XYLT1: variants seen among roughly 807,000 people sequenced by gnomAD.
XYLT1 encodes the protein xylosyltransferase 1.
XYLT1 carries 36 observed loss-of-function variants against 91.3 expected under a neutral mutation model. That is an observed-to-expected ratio of 0.39 (90% CI 0.30 to 0.52). The LOEUF is 0.52. Among genes scored for constraint, XYLT1 ranks in the 20% least tolerant of loss-of-function variants. The pLI is 0.68. For missense variants in XYLT1, 1,242 were observed against 1,284.5 expected (o/e 0.97, Z 0.51); for synonymous variants, 588 against 532.0 (o/e 1.11, Z -1.45).
rs1596536900 is a variant in XYLT1, at chr16:17,420,562, A to G, written c.363+49872T>C. Reference sequence around the variant, plus strand: ...TCGGTTGCTATCCAAGGCTTCTTCTATCTGGAACACTTCAAGAGAACAAGG... The same window carrying G: ...TCGGTTGCTATCCAAGGCTTCTTCTGTCTGGAACACTTCAAGAGAACAAGG... On this transcript the variant is annotated intron_variant, in intron 1 of 11. Transcript: ENST00000261381. Among the ~76,000 whole-genome samples, 5 of 152,264 alleles carry G rather than the reference A, an allele frequency of 3.3e-5. No homozygotes were observed. The South Asian group carries it at 8.4e-4, about 25-fold the overall frequency.
At chr16:17,330,631 A>C (rs1181418875) in intron 2 of XYLT1, among the ~76,000 whole-genome samples, 1 of 125,394 alleles carries the variant, frequency 8.0e-6, no homozygotes, top group Admixed American at 7.4e-5. Context: ...TACTAAAAAT[A>C]AAAAAAAAAA....
chr16:17,286,711 T>C (rs1269696258), intron 2 of XYLT1, among the ~76,000 whole-genome samples: 28 of 142,720 alleles, frequency 2.0e-4, no homozygotes, highest in Admixed American at 2.0e-3. Context: ...TGTAAGGTTT[T>C]CCAGCAAGCA....
intron 2 of XYLT1, among the ~76,000 whole-genome samples, chr16:17,357,804 G>A (rs1046449503): frequency 6.6e-5 from 10 of 152,348 alleles, no homozygotes; most frequent in South Asian, 4.1e-4. Context: ...ACCTGGGTGC[G>A]AATGTGCACC....
intron 2 of XYLT1, among the ~76,000 whole-genome samples, chr16:17,267,697 C>CTTA (rs2033827683): frequency 6.6e-6 from 1 of 152,212 alleles, no homozygotes; most frequent in Admixed American, 6.5e-5. Flanking sequence ...GCGTGAGCCA[C>CTTA]CACGCCCGGC....
chr16:17,214,624 AC>A (rs1460782674), intron 3 of XYLT1, among the ~76,000 whole-genome samples: 19 of 152,146 alleles, frequency 1.2e-4, no homozygotes, highest in African/African-American at 4.6e-4. Context: ...CCAGGCAGGC[AC>A]CATTCTGGGA....
chr16:17,383,246 C>T (rs936177041), intron 1 of XYLT1, among the ~76,000 whole-genome samples: 1 of 151,910 alleles, frequency 6.6e-6, no homozygotes, highest in African/African-American at 2.4e-5. Context: ...ACGGCCCATT[C>T]TCTCTGCCAG....
At chr16:17,120,885 C>T (rs895560219) in intron 10 of XYLT1, among the ~76,000 whole-genome samples, 1 of 152,176 alleles carries the variant, frequency 6.6e-6, no homozygotes, top group Non-Finnish European at 1.5e-5. Context: ...ACAGATTGAT[C>T]ATCTACTTAT....
intron 2 of XYLT1, among the ~76,000 whole-genome samples, chr16:17,262,266 G>A (rs1310775034): frequency 6.6e-6 from 1 of 152,184 alleles, no homozygotes; most frequent in East Asian, 1.9e-4. Context: ...TTAACTCCTG[G>A]AAATAATTTC....
intron 3 of XYLT1, among the ~76,000 whole-genome samples, chr16:17,253,983 G>C (rs2033590580): frequency 6.6e-6 from 1 of 152,190 alleles, no homozygotes; most frequent in African/African-American, 2.4e-5. Flanking sequence ...ATGAGTTCCA[G>C]TACCAGCTCT....
At chr16:17,131,934 C>T (rs1357070373) in intron 9 of XYLT1, among the ~76,000 whole-genome samples, 1 of 152,138 alleles carries the variant, frequency 6.6e-6, no homozygotes, top group Non-Finnish European at 1.5e-5. Flanking sequence ...AGCAAGGCAC[C>T]ACAGTTCCAT....
chr16:17,138,328 G>C (rs1335045748), intron 8 of XYLT1, 27 bp downstream of exon 8: 3 of 1,603,562 alleles, frequency 1.9e-6, no homozygotes, highest in African/African-American at 2.7e-5. Context: ...TCACTTAGGA[G>C]GCTGGCAGAC....
chr16:17,342,120 G>A (rs2035070655), intron 2 of XYLT1, among the ~76,000 whole-genome samples: 3 of 152,182 alleles, frequency 2.0e-5, no homozygotes, highest in African/African-American at 7.2e-5. Flanking sequence ...AGGTTCTAAT[G>A]ATCTAGCTTC....
At chr16:17,454,103 A>G (rs1267950095) in intron 1 of XYLT1, among the ~76,000 whole-genome samples, 1 of 152,240 alleles carries the variant, frequency 6.6e-6, no homozygotes, top group African/African-American at 2.4e-5. Flanking sequence ...AGACTTCCAA[A>G]TTAAAATATA....
chr16:17,417,078 G>C (rs1019220743), intron 1 of XYLT1, among the ~76,000 whole-genome samples: 1 of 152,026 alleles, frequency 6.6e-6, no homozygotes, highest in Admixed American at 6.6e-5. Flanking sequence ...AACTTTGTAA[G>C]CTCAGTTTTG....
At chr16:17,463,488 C>T (rs938260750) in intron 1 of XYLT1, among the ~76,000 whole-genome samples, 2 of 152,190 alleles carry the variant, frequency 1.3e-5, no homozygotes, top group African/African-American at 4.8e-5. Context: ...CATCACTAAT[C>T]ACCAGGGAAC....
In XYLT1 at chr16:17,125,566, A is replaced by T. The variant is rs80325186; in HGVS notation, c.2223+2100T>A. On this transcript the variant is annotated intron_variant, in intron 10 of 11. Coordinates refer to ENST00000261381, the MANE Select transcript of XYLT1 (RefSeq NM_022166.4). ...CTCTTCTCTCTGCTTGGAATGCTCC[A>T]GATCTCCCGAGGACTGGCTCTTTTA... Among the ~76,000 whole-genome samples, 1,155 of 152,036 alleles carry T rather than the reference A, an allele frequency of 7.6e-3. 11 individuals carry two copies. The highest frequency in any genetic ancestry group is 0.026 in the African/African-American group (1,076 of 41,450).
At chr16:17,350,450 C>G (rs1394741810) in intron 2 of XYLT1, among the ~76,000 whole-genome samples, 1 of 152,216 alleles carries the variant, frequency 6.6e-6, no homozygotes, top group East Asian at 1.9e-4. Context: ...AGTCCAGACT[C>G]CCTGTCCATT....
At chr16:17,376,964 G>A (rs2035610377) in intron 1 of XYLT1, among the ~76,000 whole-genome samples, 2 of 152,012 alleles carry the variant, frequency 1.3e-5, no homozygotes, top group South Asian at 4.1e-4. Context: ...CTCACTTTAG[G>A]TCAGAAGTTC....
At chr16:17,230,411 C>T (rs972821124) in intron 3 of XYLT1, among the ~76,000 whole-genome samples, 14 of 152,130 alleles carry the variant, frequency 9.2e-5, no homozygotes, top group Non-Finnish European at 1.6e-4. Context: ...GGGCTAGTTC[C>T]GATGTCCCCA....
Sources: gnomAD v4.1 joint callset for allele counts (sites outside exome capture counted in the v4.1 genomes callset) on GRCh38, gnomAD v4.1.1 for gene constraint, MANE v1.5 for transcripts, NCBI Gene and HGNC (gene_info 2026-07-23, HGNC 2026-07-21) for gene names.